The following SCAPER variants were observed in gnomAD, a reference collection of about 807,000 sequenced individuals.
The protein encoded by SCAPER is S phase cyclin A-associated protein in the endoplasmic reticulum.
A neutral mutation model predicts 182.2 loss-of-function variants in SCAPER; 98 were observed. The ratio of observed to expected loss-of-function variants is 0.54; its 90% confidence interval spans 0.46 to 0.64. The LOEUF (loss-of-function observed/expected upper bound fraction) is 0.64, where lower values mean the gene tolerates loss of function less well. Among genes scored for constraint, SCAPER ranks in the 30% least tolerant of loss-of-function variants. The probability of loss-of-function intolerance (pLI) is 0.00; values close to 1 mark genes in which losing one functional copy is unlikely to be tolerated. For synonymous variants in SCAPER, 605 were observed against 564.6 expected (o/e 1.07, Z -1.01); for missense variants, 1,432 against 1,690.0 (o/e 0.85, Z 2.68).
At chr15:76,391,858 C>T (rs954759701) in intron 27 of SCAPER, among the ~76,000 whole-genome samples, 11 of 152,126 alleles carry the variant, frequency 7.2e-5, no homozygotes, top group African/African-American at 2.2e-4. Context: ...TTGACAAATA[C>T]CAAGTAAGTG....
Position 76,728,649 on chromosome 15 carries a change from T to C in SCAPER, c.2111A>G (p.Gln704Arg). 6.2e-7 allele frequency: 1 copy of C among 1,613,766 alleles called. No homozygotes were observed. Among genetic ancestry groups the C allele is most frequent in the Non-Finnish European group, 8.5e-7 (1 of 1,179,710 alleles). The change falls in exon 17 of 32, where the codon CAA becomes CGA. Residue 704 changes from glutamine (Q) to arginine (R), a missense_variant. This residue lies in a region of SCAPER where 88 missense variants were observed against 184.2 expected (regional missense o/e 0.48). Transcript: ENST00000563290. ...GGCTTTTTCCTTTTCTTGCCTCTGT[T>C]GTTCAATTCGGGCTTCTTGTTCTTT... ...KRKEQEARIE[Q>R]QRQEKEKARE...
At chr15:76,771,148 G>C (rs533598614) in intron 10 of SCAPER, among the ~76,000 whole-genome samples, 2 of 152,154 alleles carry the variant, frequency 1.3e-5, no homozygotes, top group Admixed American at 1.3e-4. Flanking sequence ...TTTAAACAAA[G>C]TTAGCATGAT....
At chr15:76,374,486 G>A (rs914939271) in intron 29 of SCAPER, among the ~76,000 whole-genome samples, 2 of 148,838 alleles carry the variant, frequency 1.3e-5, no homozygotes, top group Non-Finnish European at 3.0e-5. Context: ...CTGAGTAGGG[G>A]GCTTTTTTTT....
chr15:76,757,611 T>G lies in SCAPER; in HGVS notation c.1726-3663A>C, dbSNP rs571467659. Reference sequence around the variant, plus strand: ...CTTTTTGATCCAGATTTCAATTCCTTTGGATATATACCCAGAAGAAGAACT... The same window carrying G: ...CTTTTTGATCCAGATTTCAATTCCTGTGGATATATACCCAGAAGAAGAACT... On this transcript the variant is annotated intron_variant, in intron 14 of 31. Transcript: ENST00000563290. 5.3e-5 allele frequency among the ~76,000 whole-genome samples: 8 copies of G among 152,294 alleles called. No homozygotes were observed. In the East Asian group the frequency reaches 1.5e-3, roughly 29 times the overall value.
chr15:76,673,761 T>G (rs939346759), intron 20 of SCAPER, among the ~76,000 whole-genome samples: 5 of 152,098 alleles, frequency 3.3e-5, no homozygotes, highest in Admixed American at 3.3e-4. Context: ...ATAATAAGTC[T>G]AACACCTTGT....
At chr15:76,642,901 C>T (rs1016139756) in intron 21 of SCAPER, among the ~76,000 whole-genome samples, 6 of 152,158 alleles carry the variant, frequency 3.9e-5, no homozygotes, top group South Asian at 2.1e-4. Context: ...GCTTGATTAA[C>T]ACCAGCACAT....
intron 25 of SCAPER, among the ~76,000 whole-genome samples, chr15:76,439,244 C>T (rs2047400139): frequency 6.6e-6 from 1 of 152,076 alleles, no homozygotes; most frequent in African/African-American, 2.4e-5. Context: ...TGCCATCAGG[C>T]CCAGCTAATA....
At chr15:76,687,057 G>A (rs1033134664) in intron 20 of SCAPER, among the ~76,000 whole-genome samples, 24 of 151,930 alleles carry the variant, frequency 1.6e-4, no homozygotes, top group African/African-American at 5.8e-4. Context: ...CAGTAAAAGA[G>A]ATATAAAAAG....
rs1246463815 is a variant in SCAPER, at chr15:76,600,428, T to C, written c.2711+21336A>G. Among the ~76,000 whole-genome samples the C allele has an allele frequency of 3.6e-5, 3 of 82,302 alleles. 1 individual carries two copies. The highest frequency in any genetic ancestry group is 9.8e-5 in the African/African-American group (3 of 30,582). The allele number at this position is 82,302 out of a possible 152,430, so 54.0% of individuals were successfully genotyped here. ...GTGTGTGTGTGTGTGTGTGTGTGTG[T>C]GTATACATATACATATATATATATA... On this transcript the variant is annotated intron_variant, in intron 22 of 31. Coordinates refer to ENST00000563290, the MANE Select transcript of SCAPER (RefSeq NM_020843.4).
chr15:76,656,845 C>G (rs1157757030), intron 21 of SCAPER, among the ~76,000 whole-genome samples: 1 of 152,062 alleles, frequency 6.6e-6, no homozygotes, highest in African/African-American at 2.4e-5. Flanking sequence ...TTATTTGAAA[C>G]TAATGAGAAA....
intron 8 of SCAPER, among the ~76,000 whole-genome samples, chr15:76,778,540 T>C (rs751366069): frequency 6.6e-6 from 1 of 152,068 alleles, no homozygotes; most frequent in Non-Finnish European, 1.5e-5. Context: ...AACAGATTTA[T>C]CAATAATTAC....
chr15:76,652,270 AAAAATATAT>A (rs1267038535), intron 21 of SCAPER, among the ~76,000 whole-genome samples: 5 of 17,200 alleles, frequency 2.9e-4, no homozygotes, highest in Non-Finnish European at 3.1e-4. Context: ...AAAAAAAAAA[AAAAATATAT>A]ATATATATAT....
At chr15:76,389,565 G>C (rs202180364) in intron 27 of SCAPER, among the ~76,000 whole-genome samples, 1 of 134,622 alleles carries the variant, frequency 7.4e-6, no homozygotes, top group Non-Finnish European at 1.5e-5. Context: ...TGTAATCCCA[G>C]CACTTTGGGA....
At chr15:76,808,198 T>C (rs1598845713) in intron 5 of SCAPER, among the ~76,000 whole-genome samples, 1 of 152,142 alleles carries the variant, frequency 6.6e-6, no homozygotes, top group Admixed American at 6.5e-5. Context: ...TGCATACTTT[T>C]CCAGCTGCAG....
intron 23 of SCAPER, among the ~76,000 whole-genome samples, chr15:76,550,436 C>T (rs1046303940): frequency 1.3e-5 from 2 of 152,180 alleles, no homozygotes; most frequent in African/African-American, 4.8e-5. Flanking sequence ...TAACTGAGAA[C>T]ATGCGGTGTT....
chr15:76,862,524 G>A lies in SCAPER; in HGVS notation c.16C>T (p.Gln6Ter). The A allele has an allele frequency of 3.7e-6, 6 of 1,605,758 alleles. No homozygotes were observed. The highest frequency in any genetic ancestry group is 4.3e-6 in the Non-Finnish European group (5 of 1,173,676). ...ACTTTGTCATGACTATTGGAGCGCT[G>A]GAATGAAGCCTATGTATGGAAAAGA... The part of the protein sequence containing the change: MMASF[Q>*]RSNSHDKVRR... The change falls in exon 3 of 32, where the codon CAG (glutamine) becomes TAG (stop). Residue 6 changes from glutamine to a stop codon, truncating the protein, a stop_gained. Coordinates refer to ENST00000563290, the MANE Select transcript of SCAPER (RefSeq NM_020843.4). LOFTEE classifies it high-confidence loss of function.
intron 24 of SCAPER, among the ~76,000 whole-genome samples, chr15:76,481,095 C>T (rs942847231): frequency 2.0e-5 from 3 of 152,076 alleles, no homozygotes; most frequent in Non-Finnish European, 4.4e-5. Context: ...CTGGTTTATT[C>T]TCAGCACCAG....
chr15:76,755,913 T>C (rs1568026089), intron 14 of SCAPER, among the ~76,000 whole-genome samples: 1 of 152,098 alleles, frequency 6.6e-6, no homozygotes, highest in Non-Finnish European at 1.5e-5. Flanking sequence ...AGTATGGAAG[T>C]GGATCCTCCA....
chr15:76,536,679 C>T (rs1444690381), intron 23 of SCAPER, among the ~76,000 whole-genome samples: 1 of 152,078 alleles, frequency 6.6e-6, no homozygotes, highest in Non-Finnish European at 1.5e-5. Flanking sequence ...CCTCTCTCAC[C>T]ACTCCTATTC....
Sources: allele counts gnomAD v4.1 joint callset (sites outside exome capture counted in the v4.1 genomes callset), GRCh38; gene constraint gnomAD v4.1.1; regional missense constraint gnomAD v4.1.1; transcripts MANE v1.5; gene names NCBI Gene and HGNC (gene_info 2026-07-23, HGNC 2026-07-21).